KPNA1: variants seen among roughly 807,000 people sequenced by gnomAD.
The protein encoded by KPNA1 is importin subunit alpha-5.
In KPNA1, 10 loss-of-function variants were observed where a neutral mutation model predicts 70.5. The observed-to-expected ratio is 0.14, with a 90% CI of 0.09 to 0.24. The LOEUF is 0.24. Among genes scored for constraint, KPNA1 ranks in the 10% least tolerant of loss-of-function variants. The pLI, the probability that KPNA1 is intolerant of heterozygous loss-of-function variation, is 1.00. For synonymous variants in KPNA1, 192 were observed against 221.9 expected, an observed-to-expected ratio of 0.87 and a Z score of 1.20; for missense variants, 397 against 637.9, an observed-to-expected ratio of 0.62 and a Z score of 4.07.
At chr3:122,477,520 C>G (rs558020144) in intron 2 of KPNA1, among the ~76,000 whole-genome samples, 104 of 152,144 alleles carry the variant, frequency 6.8e-4, no homozygotes, top group African/African-American at 2.3e-3. Flanking sequence ...GGCAACACAG[C>G]AAGACCCTGC....
chr3:122,493,202 C>T (rs1244518869), intron 2 of KPNA1, among the ~76,000 whole-genome samples: 1 of 152,124 alleles, frequency 6.6e-6, no homozygotes, highest in African/African-American at 2.4e-5. Flanking sequence ...AGTTTTTCTT[C>T]CCAAGGTCAA....
chr3:122,422,197 G>A lies in KPNA1; in HGVS notation c.*4788C>T, dbSNP rs2075771788. On this transcript the variant is annotated 3_prime_UTR_variant, in exon 14 of 14. Transcript: ENST00000344337. ...GATGATATTCCTTTAGGAAGAAGTA[G>A]ACTGTGTTAAATTCGCATCCATGGC... 6.6e-6 allele frequency: 1 copy of A among 152,200 alleles called. No homozygotes were observed. Among genetic ancestry groups the A allele is most frequent in the African/African-American group, 2.4e-5 (1 of 41,452 alleles). The allele number at this position is 152,200 out of a possible 1,614,324, so 9.4% of individuals were successfully genotyped here. A position where few individuals can be genotyped will look rare whatever the true frequency, so the allele number is the denominator to read the frequency against.
At chr3:122,439,777 G>A (rs994478943) in intron 10 of KPNA1, among the ~76,000 whole-genome samples, 5 of 152,062 alleles carry the variant, frequency 3.3e-5, no homozygotes, top group Admixed American at 6.6e-5. Flanking sequence ...CCAAAAGTAC[G>A]TAATTTGATG....
intron 5 of KPNA1, among the ~76,000 whole-genome samples, chr3:122,456,858 A>C (rs1172467562): frequency 5.3e-5 from 8 of 152,224 alleles, no homozygotes; most frequent in Admixed American, 2.0e-4. Context: ...CAAGAGGACC[A>C]CTGAAAATAC....
chr3:122,488,666 T>C (rs1356896448), intron 2 of KPNA1, among the ~76,000 whole-genome samples: 6 of 152,232 alleles, frequency 3.9e-5, no homozygotes, highest in Non-Finnish European at 7.3e-5. Flanking sequence ...GGGTGAAGAA[T>C]TCTTTAGTTG....
rs1166443254 is a variant in KPNA1 at position 122,422,640 on chromosome 3, G to C, written c.*4345C>G. ...TTTCTTCAAGACACAGAATTTGCAG[G>C]GCTCTTCCCCGCCCTTGGACAGCCA... On this transcript the variant is annotated 3_prime_UTR_variant, in exon 14 of 14. Transcript: ENST00000344337. The C allele has an allele frequency of 1.3e-5, 2 of 152,134 alleles. No homozygotes were observed. Among genetic ancestry groups the C allele is most frequent in the East Asian group, 3.8e-4 (2 of 5,202 alleles). The allele number at this position is 152,134 out of a possible 1,614,324, so 9.4% of individuals were successfully genotyped here. A position where few individuals can be genotyped will look rare whatever the true frequency, so the allele number is the denominator to read the frequency against.
intron 5 of KPNA1, among the ~76,000 whole-genome samples, chr3:122,456,362 C>A (rs1276872068): frequency 6.6e-6 from 1 of 151,944 alleles, no homozygotes; most frequent in Admixed American, 6.5e-5. Context: ...TAAGGAAAAG[C>A]AATCTGGAAA....
chr3:122,496,669 C>A (rs2076765162), intron 1 of KPNA1, 99 bp from the exon 2 acceptor site: 1 of 1,095,414 alleles, frequency 9.1e-7, no homozygotes, highest in African/African-American at 1.6e-5. Flanking sequence ...CAGACATATC[C>A]CAAAGGGACA....
intron 11 of KPNA1, 95 bp from the exon 12 acceptor site, chr3:122,433,883 A>ACACCC (rs1166789261): frequency 1.6e-5 from 14 of 893,858 alleles, no homozygotes; most frequent in Non-Finnish European, 2.2e-5. Context: ...TTGACTATTA[A>ACACCC]CACCCCTTCT....
At chr3:122,503,145 T>C (rs1355440723) in intron 1 of KPNA1, among the ~76,000 whole-genome samples, 1 of 151,938 alleles carries the variant, frequency 6.6e-6, no homozygotes, top group African/African-American at 2.4e-5. Flanking sequence ...AACAGTAAAC[T>C]CCAACAAAAC....
intron 2 of KPNA1, among the ~76,000 whole-genome samples, chr3:122,489,615 A>C (rs140843701): frequency 3.0e-4 from 45 of 152,258 alleles, no homozygotes; most frequent in African/African-American, 1.0e-3. Flanking sequence ...GAACACATGG[A>C]ATATGGTATG....
At chr3:122,472,631 G>GA (rs1397983175) in intron 2 of KPNA1, among the ~76,000 whole-genome samples, 1 of 152,122 alleles carries the variant, frequency 6.6e-6, no homozygotes, top group Non-Finnish European at 1.5e-5. Context: ...AAAAATCAAT[G>GA]AAAAAACCAA....
Position 122,424,055 on chromosome 3 carries a change from T to G in KPNA1, c.*2930A>C, listed in dbSNP as rs1325005102. On this transcript the variant is annotated 3_prime_UTR_variant, in exon 14 of 14. Coordinates refer to ENST00000344337, the MANE Select transcript of KPNA1 (RefSeq NM_002264.4). Reference sequence around the variant, plus strand: ...TCTCAATCCAACCACATCTACCTGCTGGTCCATCAGATACCAGATGCCTTT... The same window carrying G: ...TCTCAATCCAACCACATCTACCTGCGGGTCCATCAGATACCAGATGCCTTT... 1 of 152,232 alleles carries G rather than the reference T, an allele frequency of 6.6e-6. No homozygotes were observed. The highest frequency in any genetic ancestry group is 2.4e-5 in the African/African-American group (1 of 41,466). The allele number at this position is 152,232 out of a possible 1,614,324, so 9.4% of individuals were successfully genotyped here. A position where few individuals can be genotyped will look rare whatever the true frequency, so the allele number is the denominator to read the frequency against.
At chr3:122,478,894 CAAAAAAA>C (rs57843662) in intron 2 of KPNA1, among the ~76,000 whole-genome samples, 17 of 18,696 alleles carry the variant, frequency 9.1e-4, no homozygotes, top group Non-Finnish European at 8.8e-4. Flanking sequence ...AACCTCGTCT[CAAAAAAA>C]AAAAAAAAAA....
At chr3:122,436,944 A>G (rs1180114781) in intron 11 of KPNA1, among the ~76,000 whole-genome samples, 4 of 151,998 alleles carry the variant, frequency 2.6e-5, no homozygotes, top group Non-Finnish European at 5.9e-5. Context: ...CGACTGGCTA[A>G]TTTTTTTGTA....
chr3:122,439,712 T>G (rs1314306160), intron 10 of KPNA1, among the ~76,000 whole-genome samples: 2 of 152,106 alleles, frequency 1.3e-5, no homozygotes, highest in Admixed American at 6.6e-5. Flanking sequence ...GAGTAACTGC[T>G]TAGGACAGTC....
At chr3:122,467,762 T>C (rs964597293) in intron 2 of KPNA1, among the ~76,000 whole-genome samples, 1 of 151,672 alleles carries the variant, frequency 6.6e-6, no homozygotes, top group African/African-American at 2.4e-5. Flanking sequence ...ATGTAAAGTA[T>C]ACATCAGGAC....
At chr3:122,489,490 T>C (rs1233781004) in intron 2 of KPNA1, among the ~76,000 whole-genome samples, 1 of 151,838 alleles carries the variant, frequency 6.6e-6, no homozygotes, top group Non-Finnish European at 1.5e-5. Context: ...ACTCGTTATG[T>C]TGCTCCTGGG....
At chr3:122,465,585 T>C (rs564784872) in intron 3 of KPNA1, among the ~76,000 whole-genome samples, 3 of 152,240 alleles carry the variant, frequency 2.0e-5, no homozygotes, top group Non-Finnish European at 2.9e-5. Context: ...GAACCATCCA[T>C]ACATTTTTAG....
Sources: allele counts gnomAD v4.1 joint callset (sites outside exome capture counted in the v4.1 genomes callset), GRCh38; gene constraint gnomAD v4.1.1; transcripts MANE v1.5; gene names NCBI Gene and HGNC (gene_info 2026-07-23, HGNC 2026-07-21).